Variants in CRYBG1 observed in about 807,000 individuals in gnomAD.
CRYBG1 encodes the protein crystallin beta-gamma domain containing 1, also known as beta/gamma crystallin domain-containing protein 1.
A neutral mutation model predicts 189.2 loss-of-function variants in CRYBG1; 139 were observed. The observed-to-expected ratio is 0.73, with a 90% CI of 0.64 to 0.85. The LOEUF is 0.85. Ranked by LOEUF, CRYBG1 falls within the 40% of genes least tolerant of loss-of-function variation. The pLI, the probability that CRYBG1 is intolerant of heterozygous loss-of-function variation, is 0.00. For synonymous variants in CRYBG1, 1,023 were observed against 1,017.1 expected, an observed-to-expected ratio of 1.01 and a Z score of -0.11; for missense variants, 2,611 against 2,675.8, an observed-to-expected ratio of 0.98 and a Z score of 0.53.
At chr6:106,384,326 G>A (rs932201103) in intron 1 of CRYBG1, among the ~76,000 whole-genome samples, 19 of 152,124 alleles carry the variant, frequency 1.2e-4, no homozygotes, top group African/African-American at 4.3e-4. Context: ...TCCATAGACC[G>A]GGGGAAGACG....
chr6:106,488,983 C>T (rs1772654516), intron 2 of CRYBG1, among the ~76,000 whole-genome samples: 1 of 152,136 alleles, frequency 6.6e-6, no homozygotes, highest in South Asian at 2.1e-4. Flanking sequence ...GAAATGCAAA[C>T]GCAGCTGTTT....
In CRYBG1 at chr6:106,512,990, A is replaced by G. The variant is rs781145960; in HGVS notation, c.1873A>G (p.Arg625Gly). The G allele has an allele frequency of 2.9e-5, 46 of 1,610,378 alleles. No individual in the cohort carries two copies. In the South Asian group the frequency reaches 4.1e-4, roughly 14 times the overall value. The change falls in exon 3 of 22, where the codon AGG becomes GGG. Residue 625 changes from arginine to glycine, a missense_variant. By Grantham distance (125) the Arg-to-Gly change is moderately radical (BLOSUM62 -2). Coordinates refer to ENST00000633556, the MANE Select transcript of CRYBG1 (RefSeq NM_001371242.2). ...GASDADGLKP[R>G]NHFGVGRSTV... ...TTCTGACGCCGACGGCTTGAAGCCC[A>G]GGAACCATTTCGGCGTGGGCAGGTC...
chr6:106,415,919 G>T (rs573775456), intron 1 of CRYBG1, among the ~76,000 whole-genome samples: 9 of 152,194 alleles, frequency 5.9e-5, no homozygotes, highest in African/African-American at 2.2e-4. Context: ...GCTCTGCCTG[G>T]CAGTCCCCCC....
intron 6 of CRYBG1, 66 bp from the exon 7 acceptor site, chr6:106,527,239 T>G (rs2114550802): frequency 7.2e-7 from 1 of 1,398,120 alleles, no homozygotes; most frequent in Non-Finnish European, 9.7e-7. Flanking sequence ...ATTAGCCAGG[T>G]TATTTGAGTA....
intron 2 of CRYBG1, among the ~76,000 whole-genome samples, chr6:106,452,804 C>T (rs1771810335): frequency 6.6e-6 from 1 of 152,166 alleles, no homozygotes; most frequent in Admixed American, 6.5e-5. Context: ...AAAGACATTA[C>T]TCATGCACTT....
At chr6:106,412,197 C>T (rs2114373317) in intron 1 of CRYBG1, among the ~76,000 whole-genome samples, 1 of 152,356 alleles carries the variant, frequency 6.6e-6, no homozygotes, top group African/African-American at 2.4e-5. Context: ...CCCAGTTTCA[C>T]CTTCCTCACT....
At chr6:106,452,224 T>C (rs1450366492) in intron 2 of CRYBG1, among the ~76,000 whole-genome samples, 3 of 133,622 alleles carry the variant, frequency 2.2e-5, no homozygotes, top group Non-Finnish European at 3.1e-5. Context: ...CTGACCAACA[T>C]GATGAAACCC....
intron 3 of CRYBG1, among the ~76,000 whole-genome samples, chr6:106,513,643 T>C (rs978713742): frequency 1.3e-5 from 2 of 152,244 alleles, no homozygotes; most frequent in African/African-American, 4.8e-5. Flanking sequence ...GGCTGAAAAG[T>C]AGTTTTCAGT....
rs1184855362 is a variant in CRYBG1 at position 106,558,644 on chromosome 6, G to T, written c.5855+19G>T. On this transcript the variant is annotated intron_variant, in intron 18 of 21. Transcript: ENST00000633556. Reference sequence around the variant, plus strand: ...GTGGCATGTGAGTTACCTACTTGTTGACTCAATAAAATAGATCATTTTAAA... The same window carrying T: ...GTGGCATGTGAGTTACCTACTTGTTTACTCAATAAAATAGATCATTTTAAA... 2.5e-6 allele frequency: 4 copies of T among 1,590,756 alleles called. No individual in the cohort carries two copies. The highest frequency in any genetic ancestry group is 3.4e-6 in the Non-Finnish European group (4 of 1,170,422).
chr6:106,391,432 T>A (rs1483180046), intron 1 of CRYBG1, among the ~76,000 whole-genome samples: 1 of 152,152 alleles, frequency 6.6e-6, no homozygotes, highest in African/African-American at 2.4e-5. Flanking sequence ...TGATAATGTA[T>A]CTCATTGTGG....
chr6:106,394,944 C>T (rs1770576663), intron 1 of CRYBG1, among the ~76,000 whole-genome samples: 1 of 151,410 alleles, frequency 6.6e-6, no homozygotes, highest in South Asian at 2.1e-4. Context: ...CAACCTCTGC[C>T]TCCCGGGTTC....
chr6:106,404,718 C>T (rs111880779), intron 1 of CRYBG1, among the ~76,000 whole-genome samples: 3,070 of 152,000 alleles, frequency 0.02, 106 homozygotes, highest in African/African-American at 0.07. Context: ...AGAGTGGGTG[C>T]GGCCCACCGA....
intron 1 of CRYBG1, among the ~76,000 whole-genome samples, chr6:106,400,262 G>A (rs1770696937): frequency 6.6e-6 from 1 of 151,962 alleles, no homozygotes; most frequent in African/African-American, 2.4e-5. Flanking sequence ...AGACAGGCAT[G>A]AGCCACCATG....
intron 9 of CRYBG1, among the ~76,000 whole-genome samples, chr6:106,540,964 C>A (rs931095730): frequency 2.0e-5 from 3 of 152,062 alleles, no homozygotes; most frequent in Admixed American, 6.6e-5. Flanking sequence ...TTTATAACAA[C>A]CCCTCATAGA....
intron 21 of CRYBG1, 91 bp from the exon 22 acceptor site, chr6:106,568,381 A>G (rs1236390388): frequency 6.0e-6 from 6 of 1,000,486 alleles, no homozygotes; most frequent in Admixed American, 1.9e-5. Flanking sequence ...TTACTTGCTT[A>G]CTTTTGCTGT....
chr6:106,397,765 G>A (rs1373214961), intron 1 of CRYBG1, among the ~76,000 whole-genome samples: 2 of 152,198 alleles, frequency 1.3e-5, no homozygotes, highest in Non-Finnish European at 2.9e-5. Flanking sequence ...TTCTAACAAG[G>A]ATTAACATAG....
chr6:106,493,156 T>G (rs945910769), intron 2 of CRYBG1, among the ~76,000 whole-genome samples: 1 of 152,168 alleles, frequency 6.6e-6, no homozygotes, highest in African/African-American at 2.4e-5. Context: ...TGTATAACCC[T>G]TCTGAAAAAC....
At chr6:106,514,066 G>A (rs911748510) in intron 3 of CRYBG1, among the ~76,000 whole-genome samples, 1 of 152,210 alleles carries the variant, frequency 6.6e-6, no homozygotes, top group African/African-American at 2.4e-5. Flanking sequence ...CCAAACGAAT[G>A]TTACCATCTG....
In CRYBG1 at chr6:106,553,459, A is replaced by C. The variant is rs780228824; in HGVS notation, c.5477A>C (p.His1826Pro). 1 of 1,603,168 alleles carries C rather than the reference A, an allele frequency of 6.2e-7. No individual in the cohort carries two copies. The highest frequency in any genetic ancestry group is 8.5e-7 in the Non-Finnish European group (1 of 1,170,512). Reference protein sequence around the residue: ...FTGPRRRNQIHLFSEPQFQGH... With the variant: ...FTGPRRRNQIPLFSEPQFQGH... ...TTTCTGTTTACTTTTTCAAAGATTC[A>C]CTTGTTTTCAGAACCACAGTTTCAA... The change falls in exon 16 of 22, where the codon CAC becomes CCC. Residue 1826 changes from histidine (H) to proline (P), a missense_variant. Around this residue, in one of 3 missense-constraint regions of CRYBG1, gnomAD observed 1,622 missense variants for 1,735.0 expected, o/e 0.93. Transcript: ENST00000633556.
Sources: allele counts gnomAD v4.1 joint callset (sites outside exome capture counted in the v4.1 genomes callset), GRCh38; gene constraint gnomAD v4.1.1; regional missense constraint gnomAD v4.1.1; transcripts MANE v1.5; gene names NCBI Gene and HGNC (gene_info 2026-07-23, HGNC 2026-07-21).